The following CA12 variants were observed in gnomAD, a reference collection of about 807,000 sequenced individuals.
The protein encoded by CA12 is carbonic anhydrase 12, also known as carbonate dehydratase XII.
Under a neutral mutation model 46.8 loss-of-function variants are expected in CA12, and 36 were observed. The observed-to-expected ratio is 0.77, with a 90% CI of 0.59 to 1.02. The LOEUF is 1.02. Among genes scored for constraint, CA12 ranks in the 50% least tolerant of loss-of-function variants. The pLI is 0.00. For missense variants in CA12, 436 were observed against 451.4 expected (o/e 0.97, Z 0.31); for synonymous variants, 202 against 187.0 (o/e 1.08, Z -0.65).
chr15:63,326,374 A>G lies in CA12; in HGVS notation c.993-17T>C, dbSNP rs531666124. ...TTTTTGATACTAGAACAGAAAGAAC[A>G]CATAACTCTTGTTAGAGAGGAGAGC... On this transcript the variant is annotated splice_polypyrimidine_tract_variant and intron_variant, in intron 10 of 10. Transcript: ENST00000178638. 6.2e-7 allele frequency: 1 copy of G among 1,603,662 alleles called. No homozygotes were observed. The highest frequency in any genetic ancestry group is 2.2e-5 in the East Asian group (1 of 44,836).
intron 2 of CA12, among the ~76,000 whole-genome samples, chr15:63,356,335 G>A (rs1009847642): frequency 6.6e-6 from 1 of 152,156 alleles, no homozygotes; most frequent in Non-Finnish European, 1.5e-5. Flanking sequence ...GGAGGTTGCC[G>A]TAAGCTGAGA....
At chr15:63,376,037 G>A (rs1012723678) in intron 1 of CA12, among the ~76,000 whole-genome samples, 4 of 152,086 alleles carry the variant, frequency 2.6e-5, no homozygotes, top group African/African-American at 4.8e-5. Context: ...TCAAACTCCC[G>A]ACCTCAGGTG....
In CA12 at chr15:63,341,990, A is replaced by T; in HGVS notation, c.525+12T>A. 1 of 1,595,774 alleles carries T rather than the reference A, an allele frequency of 6.3e-7. No individual in the cohort carries two copies. Among genetic ancestry groups the T allele is most frequent in the Non-Finnish European group, 8.6e-7 (1 of 1,163,462 alleles). ...TCAAATTTCACCTAAGAACCTTTTA[A>T]ATATCTCTTACCTCAATGAGAACAG... is the stretch of plus-strand genomic sequence containing the variant. On this transcript the variant is annotated intron_variant, in intron 5 of 10. Transcript: ENST00000178638. The surrounding 1 kb of genome is among the most constrained non-coding windows in gnomAD (Gnocchi z 5.2).
At position 63,359,573 on chromosome 15, in the gene CA12, T is replaced by TG. The variant is rs555033892; in HGVS notation, c.107-12865dup. Among the ~76,000 whole-genome samples, 16 of 152,224 alleles carry TG rather than the reference T, an allele frequency of 1.1e-4. No individual in the cohort carries two copies. The South Asian group carries it at 3.3e-3, about 32-fold the overall frequency. On this transcript the variant is annotated intron_variant, in intron 2 of 10. Coordinates refer to ENST00000178638, the MANE Select transcript of CA12 (RefSeq NM_001218.5). ...TACACATGCAACCTCACTCCCGTCATGAGAAACCCTCAGACAAATAAAAAT... is the reference window on the plus strand; with the variant it reads ...TACACATGCAACCTCACTCCCGTCATGGAGAAACCCTCAGACAAATAAAAAT...
chr15:63,372,250 G>A lies in CA12; in HGVS notation c.106+3408C>T, dbSNP rs867964926. ...GATTGATGCGGGACTGATTTCCGGC[G>A]GGGAAGGTCCATGTCACATCATCCC... On this transcript the variant is annotated intron_variant, in intron 2 of 10. Coordinates refer to ENST00000178638, the MANE Select transcript of CA12 (RefSeq NM_001218.5). The surrounding 1 kb of genome is among the most constrained non-coding windows in gnomAD (Gnocchi z 4.5). 5.9e-5 allele frequency among the ~76,000 whole-genome samples: 9 copies of A among 152,150 alleles called. No homozygotes were observed. The highest frequency in any genetic ancestry group is 1.2e-4 in the Non-Finnish European group (8 of 68,028).
chr15:63,363,102 G>C (rs76190352), intron 2 of CA12, among the ~76,000 whole-genome samples: 1,542 of 152,286 alleles, frequency 0.01, 23 homozygotes, highest in African/African-American at 0.035. Context: ...ACGCACGCTG[G>C]GTCCCAGGCC....
chr15:63,365,735 C>G (rs1182959953), intron 2 of CA12, among the ~76,000 whole-genome samples: 1 of 152,220 alleles, frequency 6.6e-6, no homozygotes, highest in African/African-American at 2.4e-5. Context: ...TCCCCTACAT[C>G]CCTCTGGTCT....
intron 10 of CA12, among the ~76,000 whole-genome samples, chr15:63,326,621 C>A (rs1409908418): frequency 6.6e-6 from 1 of 152,128 alleles, no homozygotes; most frequent in Non-Finnish European, 1.5e-5. Flanking sequence ...TCACCCCCCT[C>A]TTCAAACCTC....
chr15:63,335,145 C>A (rs961036992), intron 8 of CA12, among the ~76,000 whole-genome samples: 3 of 152,140 alleles, frequency 2.0e-5, no homozygotes, highest in African/African-American at 7.2e-5. Context: ...TGGGGAGGGG[C>A]AACTGGCATC....
In CA12 at chr15:63,373,585, T is replaced by C. The variant is rs1357893078; in HGVS notation, c.106+2073A>G. Among the ~76,000 whole-genome samples the C allele has an allele frequency of 6.6e-6, 1 of 152,196 alleles. No homozygotes were observed. The highest frequency in any genetic ancestry group is 1.5e-5 in the Non-Finnish European group (1 of 68,030). On this transcript the variant is annotated intron_variant, in intron 2 of 10. Coordinates refer to ENST00000178638, the MANE Select transcript of CA12 (RefSeq NM_001218.5). The surrounding 1 kb of genome is among the most constrained non-coding windows in gnomAD (Gnocchi z 4.9). ...GAACCATGGGTCAGTGATTCTCTGA[T>C]AGAGTGCAGCTAAGAATCACTTGGG...
chr15:63,340,163 T>C lies in CA12; in HGVS notation c.747+125A>G. On this transcript the variant is annotated intron_variant, in intron 7 of 10. Transcript: ENST00000178638. This position sits in a 1 kb window ranked among gnomAD's most constrained non-coding sequence, Gnocchi z 4.4. ...CGGTGCTTTCAGACACCTGTGATAT[T>C]TGGAGAGGTTTTGAAGAGCTGCCAA... is the stretch of plus-strand genomic sequence containing the variant. The C allele has an allele frequency of 1.8e-6, 2 of 1,128,824 alleles. No individual in the cohort carries two copies. Among genetic ancestry groups the C allele is most frequent in the Non-Finnish European group, 2.6e-6 (2 of 761,736 alleles). The allele number at this position is 1,128,824 out of a possible 1,614,324, so 69.9% of individuals were successfully genotyped here.
chr15:63,349,808 C>T (rs1489125285), intron 2 of CA12, among the ~76,000 whole-genome samples: 2 of 152,182 alleles, frequency 1.3e-5, no homozygotes. Flanking sequence ...TCCATCGCTG[C>T]ACTTCCCACA....
chr15:63,367,448 A>G (rs1472044153), intron 2 of CA12, among the ~76,000 whole-genome samples: 4 of 152,166 alleles, frequency 2.6e-5, no homozygotes, highest in Admixed American at 2.6e-4. Flanking sequence ...ATGAGGAGCC[A>G]CCCTGGGAAG....
chr15:63,366,531 C>CA (rs1158799632), intron 2 of CA12, among the ~76,000 whole-genome samples: 1 of 152,208 alleles, frequency 6.6e-6, no homozygotes, highest in Non-Finnish European at 1.5e-5. Flanking sequence ...CAAGCCTTGT[C>CA]AACCATTTCC....
In CA12 at chr15:63,324,300, A is replaced by G. The variant is rs1017641840; in HGVS notation, c.*1985T>C. 6.6e-6 allele frequency: 1 copy of G among 152,272 alleles called. No individual in the cohort carries two copies. Among genetic ancestry groups the G allele is most frequent in the Non-Finnish European group, 1.5e-5 (1 of 68,106 alleles). The allele number at this position is 152,272 out of a possible 1,614,324, so 9.4% of individuals were successfully genotyped here. A position where few individuals can be genotyped will look rare whatever the true frequency, so the allele number is the denominator to read the frequency against. ...ATGAACAGCCCTTGTGCCAGGTACAATGGTCTCTCTGTTCTCTCACAAAAC... is the reference window on the plus strand; with the variant it reads ...ATGAACAGCCCTTGTGCCAGGTACAGTGGTCTCTCTGTTCTCTCACAAAAC... On this transcript the variant is annotated 3_prime_UTR_variant, in exon 11 of 11. Transcript: ENST00000178638.
chr15:63,361,601 T>G (rs1415266997), intron 2 of CA12, among the ~76,000 whole-genome samples: 1 of 152,190 alleles, frequency 6.6e-6, no homozygotes, highest in Non-Finnish European at 1.5e-5. Context: ...AGGTCGAGAC[T>G]GGACTATTGT....
intron 8 of CA12, among the ~76,000 whole-genome samples, chr15:63,338,137 A>C (rs1008744611): frequency 2.6e-5 from 4 of 152,156 alleles, no homozygotes; most frequent in Non-Finnish European, 4.4e-5. Context: ...CTGGGGAGTT[A>C]TTGGTTACAG....
chr15:63,342,211 C>T, intron 4 of CA12, 114 bp from the exon 5 acceptor site: 1 of 730,520 alleles, frequency 1.4e-6, no homozygotes, highest in Non-Finnish European at 2.5e-6. Flanking sequence ...CCTCAGCCCC[C>T]CAGACTAGGT....
intron 2 of CA12, among the ~76,000 whole-genome samples, chr15:63,349,039 G>A (rs2039190728): frequency 6.6e-6 from 1 of 152,214 alleles, no homozygotes; most frequent in Non-Finnish European, 1.5e-5. Flanking sequence ...AAGAGAAGCA[G>A]CTATGTTGGA....
Sources: allele counts gnomAD v4.1 joint callset (sites outside exome capture counted in the v4.1 genomes callset), GRCh38; gene constraint gnomAD v4.1.1; non-coding constraint Gnocchi (gnomAD v3.1); transcripts MANE v1.5; gene names NCBI Gene and HGNC (gene_info 2026-07-23, HGNC 2026-07-21).